Variants in EMID1 observed in about 807,000 individuals in gnomAD.
The protein encoded by EMID1 is EMI domain containing 1, also known as EMI domain-containing protein 1.
EMID1 carries 40 observed loss-of-function variants against 60.6 expected under a neutral mutation model. That is an observed-to-expected ratio of 0.66 (90% CI 0.51 to 0.86). The LOEUF (loss-of-function observed/expected upper bound fraction) is 0.86, where lower values mean the gene tolerates loss of function less well. EMID1 is among the 40% of genes least tolerant of loss of function. EMID1 has a pLI of 0.00. For missense variants in EMID1, 585 were observed against 597.1 expected, an observed-to-expected ratio of 0.98 and a Z score of 0.21; for synonymous variants, 242 against 231.0, an observed-to-expected ratio of 1.05 and a Z score of -0.43.
intron 3 of EMID1, chr22:29,216,780 A>G (rs759019351): frequency 3.6e-6 from 2 of 560,444 alleles, no homozygotes; most frequent in African/African-American, 4.1e-5. Context: ...CTCACCACGC[A>G]GTGGGGAGGG....
In EMID1 at chr22:29,234,208, C is replaced by G. The variant is rs772845846; in HGVS notation, c.1029+9C>G. On this transcript the variant is annotated intron_variant, in intron 11 of 14. Transcript: ENST00000334018. ...GAGAGAAGGGCGAGAGAGTGAGTACCCAGGTGGCCCCAGGTGGGGGAATTC... is the reference window on the plus strand; with the variant it reads ...GAGAGAAGGGCGAGAGAGTGAGTACGCAGGTGGCCCCAGGTGGGGGAATTC... 8 of 1,605,644 alleles carry G rather than the reference C, an allele frequency of 5.0e-6. No individual in the cohort carries two copies. In the South Asian group the frequency reaches 8.9e-5, roughly 18 times the overall value.
At position 29,233,619 on chromosome 22, in the gene EMID1, C is replaced by G; in HGVS notation, c.919C>G (p.Pro307Ala). Residue 307 changes from proline to alanine, a missense_variant, in exon 10 of 15, where the codon CCT becomes GCT. Transcript: ENST00000334018. ...GACATCCTGTCTTTTTCCAGGTCCC[C>G]CTGGGCCTCCTGGCCCCACAGGTGT... is the stretch of plus-strand genomic sequence containing the variant. The part of the protein sequence containing the change: ...PPGPPGPMGP[P>A]GPPGPTGVPG... 6.2e-7 allele frequency: 1 copy of G among 1,613,698 alleles called. No individual in the cohort carries two copies. Among genetic ancestry groups the G allele is most frequent in the Non-Finnish European group, 8.5e-7 (1 of 1,179,716 alleles).
intron 14 of EMID1, chr22:29,255,209 C>T: frequency 4.3e-6 from 1 of 233,928 alleles, no homozygotes; most frequent in African/African-American, 2.4e-5. Context: ...CCCCGCTTGG[C>T]TCCCCAGCCC....
At chr22:29,226,067 G>C (rs960110458) in intron 4 of EMID1, among the ~76,000 whole-genome samples, 1 of 152,132 alleles carries the variant, frequency 6.6e-6, no homozygotes, top group Non-Finnish European at 1.5e-5. Context: ...GACAAGTCAC[G>C]CGGGACAGTA....
chr22:29,254,190 C>T lies in EMID1; in HGVS notation c.1120-13C>T. 6.2e-7 allele frequency: 1 copy of T among 1,613,890 alleles called. No individual in the cohort carries two copies. Among genetic ancestry groups the T allele is most frequent in the South Asian group, 1.1e-5 (1 of 91,084 alleles). On this transcript the variant is annotated splice_polypyrimidine_tract_variant and intron_variant, in intron 13 of 14. Transcript: ENST00000334018. ...GCCCCCTTCACGGCTGCATCTGTCT[C>T]TTTCCTCCACAGGGGGAGGGGTTGC...
intron 12 of EMID1, among the ~76,000 whole-genome samples, chr22:29,242,946 C>G (rs1168489491): frequency 3.9e-5 from 6 of 152,210 alleles, no homozygotes; most frequent in South Asian, 2.1e-4. Flanking sequence ...TGGTTCTCCC[C>G]CTCTGGGCTC....
chr22:29,221,407 C>T (rs1034179692), intron 3 of EMID1, among the ~76,000 whole-genome samples: 2 of 152,152 alleles, frequency 1.3e-5, no homozygotes, highest in Non-Finnish European at 2.9e-5. Context: ...AGGAGTCTTG[C>T]TCTGTCGCCC....
At chr22:29,253,638 G>T (rs1313046221) in intron 13 of EMID1, among the ~76,000 whole-genome samples, 1 of 152,204 alleles carries the variant, frequency 6.6e-6, no homozygotes, top group Non-Finnish European at 1.5e-5. Context: ...GGTTTATCTG[G>T]ATGAAATCCC....
intron 1 of EMID1, among the ~76,000 whole-genome samples, chr22:29,214,427 G>T (rs1195507891): frequency 6.6e-6 from 1 of 152,158 alleles, no homozygotes. Flanking sequence ...AAAGGCCTGG[G>T]GCAGGTGTGG....
At chr22:29,219,012 C>G (rs2040191192) in intron 3 of EMID1, among the ~76,000 whole-genome samples, 1 of 152,188 alleles carries the variant, frequency 6.6e-6, no homozygotes, top group Non-Finnish European at 1.5e-5. Flanking sequence ...CCACCGTCCT[C>G]CGTGCTGGGC....
intron 7 of EMID1, 126 bp from the exon 8 acceptor site, chr22:29,232,130 T>C (rs1186640520): frequency 5.7e-5 from 61 of 1,079,110 alleles, no homozygotes; most frequent in Non-Finnish European, 7.8e-5. Flanking sequence ...CCAGGCAGCC[T>C]AGGCCTGTGG....
chr22:29,233,579 T>G (rs1490129070), intron 9 of EMID1, 35 bp from the exon 10 acceptor site: 1 of 1,611,578 alleles, frequency 6.2e-7, no homozygotes, highest in Admixed American at 1.7e-5. Flanking sequence ...GATTGTACTT[T>G]GTTCCGGCCC....
At chr22:29,213,368 TCTC>T (rs1350916415) in intron 1 of EMID1, among the ~76,000 whole-genome samples, 2 of 152,162 alleles carry the variant, frequency 1.3e-5, no homozygotes, top group African/African-American at 4.8e-5. Context: ...CTGTTGAGCT[TCTC>T]CTGCTTCATG....
intron 12 of EMID1, among the ~76,000 whole-genome samples, chr22:29,242,765 C>A (rs987586008): frequency 1.5e-4 from 23 of 152,114 alleles, no homozygotes; most frequent in African/African-American, 5.3e-4. Context: ...TAGGAAAAAT[C>A]CCTTAATCCT....
Position 29,259,320 on chromosome 22 carries a change from C to G in EMID1, c.*376C>G, listed in dbSNP as rs561543500. 5 of 240,702 alleles carry G rather than the reference C, an allele frequency of 2.1e-5. No homozygotes were observed. The highest frequency in any genetic ancestry group is 1.6e-4 in the East Asian group (1 of 6,386). The allele number at this position is 240,702 out of a possible 1,614,324, so 14.9% of individuals were successfully genotyped here. On this transcript the variant is annotated 3_prime_UTR_variant, in exon 15 of 15. Transcript: ENST00000334018. ...AGGGCAGGGGGCAGTCTTCCTCCCCCTCCCCGACCAAACCTCGGGGAGCCC... is the reference window on the plus strand; with the variant it reads ...AGGGCAGGGGGCAGTCTTCCTCCCCGTCCCCGACCAAACCTCGGGGAGCCC...
intron 12 of EMID1, 90 bp from the exon 13 acceptor site, chr22:29,243,355 T>C: frequency 7.5e-7 from 1 of 1,340,766 alleles, no homozygotes. Flanking sequence ...TTTCTCTCCC[T>C]TTCCCCGCTC....
intron 6 of EMID1, 119 bp from the exon 7 acceptor site, chr22:29,231,474 A>G: frequency 9.3e-7 from 1 of 1,072,952 alleles, no homozygotes. Flanking sequence ...CAGGAGCCAT[A>G]GAGAGTGTGA....
chr22:29,227,859 C>G (rs118076416), intron 5 of EMID1, among the ~76,000 whole-genome samples: 1,870 of 151,708 alleles, frequency 0.012, 48 homozygotes, highest in African/African-American at 0.043. Flanking sequence ...ACTAAAAATA[C>G]AAAAAATTAG....
chr22:29,232,126 A>G (rs2146297533), intron 7 of EMID1, 130 bp from the exon 8 acceptor site: 2 of 978,012 alleles, frequency 2.0e-6, no homozygotes, highest in Non-Finnish European at 3.1e-6. Context: ...ACTACCAGGC[A>G]GCCTAGGCCT....
Sources: gnomAD v4.1 joint callset for allele counts (sites outside exome capture counted in the v4.1 genomes callset) on GRCh38, gnomAD v4.1.1 for gene constraint, MANE v1.5 for transcripts, NCBI Gene and HGNC (gene_info 2026-07-23, HGNC 2026-07-21) for gene names.